Variants in PPFIA1 observed in about 807,000 individuals in gnomAD.
PPFIA1 encodes the protein liprin-alpha-1.
PPFIA1 carries 25 observed loss-of-function variants against 149.9 expected under a neutral mutation model. The observed-to-expected ratio is 0.17, with a 90% confidence interval of 0.12 to 0.23. The LOEUF (loss-of-function observed/expected upper bound fraction) is 0.23. PPFIA1 is among the 10% of genes least tolerant of loss of function. The probability of loss-of-function intolerance (pLI) is 1.00; values close to 1 mark genes in which losing one functional copy is unlikely to be tolerated. For missense variants in PPFIA1, 1,362 were observed against 1,506.5 expected, an observed-to-expected ratio of 0.90 and a Z score of 1.59; for synonymous variants, 549 against 552.8, an observed-to-expected ratio of 0.99 and a Z score of 0.10.
chr11:70,312,638 C>T (rs1280202590), intron 2 of PPFIA1, among the ~76,000 whole-genome samples: 3 of 152,176 alleles, frequency 2.0e-5, no homozygotes, highest in Non-Finnish European at 2.9e-5. Flanking sequence ...TTGCCTGTGC[C>T]GCCTCAACAT....
At chr11:70,277,061 T>TA (rs397734412) in intron 2 of PPFIA1, among the ~76,000 whole-genome samples, 292 of 14,630 alleles carry the variant, frequency 0.02, 4 homozygotes, top group East Asian at 0.2. Flanking sequence ...TATATATATA[T>TA]TTTTTTTTTT....
rs562517580 is a variant in PPFIA1, at chr11:70,346,840, A to T, written c.1932-1349A>T. Among the ~76,000 whole-genome samples the T allele has an allele frequency of 9.1e-4, 138 of 152,324 alleles. 3 individuals carry two copies. The South Asian group carries it at 0.028, about 31-fold the overall frequency. On this transcript the variant is annotated intron_variant, in intron 15 of 27. Transcript: ENST00000253925. ...TCTTAGAAATGTAAGTAGAACTTTA[A>T]TTGGAAGGGTTATTGCAAGGTTTCT...
At position 70,330,176 on chromosome 11, in the gene PPFIA1, A is replaced by G. The variant is rs2054567487; in HGVS notation, c.934A>G (p.Met312Val). The change falls in exon 8 of 28, where the codon ATG (methionine) becomes GTG (valine). Residue 312 changes from methionine to valine, a missense_variant. Met to Val is a conservative substitution (Grantham distance 21). Coordinates refer to ENST00000253925, the MANE Select transcript of PPFIA1 (RefSeq NM_003626.5). Reference sequence around the variant, plus strand: ...CCCTCTGAAATACCTAATTTAGGCCATGGCCCAAAAGGAAGATATGGAAGA... The same window carrying G: ...CCCTCTGAAATACCTAATTTAGGCCGTGGCCCAAAAGGAAGATATGGAAGA... ...TKLQRDVREA[M>V]AQKEDMEERI... is the part of the protein sequence containing the mutation. The G allele has an allele frequency of 3.1e-6, 5 of 1,591,514 alleles. No individual in the cohort carries two copies. The highest frequency in any genetic ancestry group is 4.3e-6 in the Non-Finnish European group (5 of 1,170,832).
chr11:70,347,275 A>G (rs762303613), intron 15 of PPFIA1, among the ~76,000 whole-genome samples: 5 of 152,338 alleles, frequency 3.3e-5, no homozygotes, highest in East Asian at 1.9e-4. Flanking sequence ...AATTGCAACC[A>G]TAGGAAAAAT....
intron 2 of PPFIA1, among the ~76,000 whole-genome samples, chr11:70,300,504 G>T (rs2052414001): frequency 1.3e-5 from 2 of 151,552 alleles, no homozygotes; most frequent in Admixed American, 1.3e-4. Context: ...CAGTATCTGG[G>T]ACTATAAGCA....
intron 26 of PPFIA1, among the ~76,000 whole-genome samples, chr11:70,380,937 G>C (rs1483443678): frequency 6.6e-6 from 1 of 151,948 alleles, no homozygotes; most frequent in East Asian, 1.9e-4. Flanking sequence ...AAGTAGCTGG[G>C]ACCACAGGTG....
At chr11:70,372,178 TC>T (rs765604323) in intron 21 of PPFIA1, 36 bp from the exon 22 acceptor site, 1 of 1,551,950 alleles carries the variant, frequency 6.4e-7, no homozygotes, top group South Asian at 1.2e-5. Flanking sequence ...TTTTGAGACT[TC>T]CTCTGTAACT....
At chr11:70,332,311 A>T (rs997629750) in intron 9 of PPFIA1, among the ~76,000 whole-genome samples, 1 of 152,180 alleles carries the variant, frequency 6.6e-6, no homozygotes, top group Non-Finnish European at 1.5e-5. Flanking sequence ...TGAGCTGTAT[A>T]CTATTTGTCC....
intron 2 of PPFIA1, chr11:70,279,046 GAGGGGT>G (rs1410425971): frequency 3.7e-6 from 2 of 534,998 alleles, no homozygotes; most frequent in Non-Finnish European, 7.1e-6. Flanking sequence ...TGCAAGTAAT[GAGGGGT>G]AGTATGCTTT....
Position 70,326,753 on chromosome 11 carries a change from A to T in PPFIA1, c.865A>T (p.Thr289Ser), listed in dbSNP as rs1282738471. The T allele has an allele frequency of 6.2e-7, 1 of 1,614,234 alleles. No homozygotes were observed. The highest frequency in any genetic ancestry group is 1.7e-5 in the Admixed American group (1 of 60,034). ...HVTELEEDLD[T>S]ARKDLIKSEE... Reference sequence around the variant, plus strand: ...GACAGAACTGGAAGAGGATCTGGACACGGCTAGAAAAGATCTCATCAAATC... The same window carrying T: ...GACAGAACTGGAAGAGGATCTGGACTCGGCTAGAAAAGATCTCATCAAATC... Residue 289 changes from threonine (T) to serine (S), a missense_variant, in exon 7 of 28, where the codon ACG (threonine) becomes TCG (serine). By Grantham distance (58) the Thr-to-Ser change is moderately conservative. This residue lies in a region of PPFIA1 where 733 missense variants were observed against 744.1 expected (regional missense o/e 0.99). Transcript: ENST00000253925.
chr11:70,350,546 G>C (rs1040929657), intron 16 of PPFIA1, among the ~76,000 whole-genome samples: 15 of 152,144 alleles, frequency 9.9e-5, no homozygotes, highest in Non-Finnish European at 1.9e-4. Flanking sequence ...TTCTAGGTAA[G>C]GATTTTACAT....
chr11:70,368,185 G>A (rs894550180), intron 21 of PPFIA1, among the ~76,000 whole-genome samples: 2 of 152,266 alleles, frequency 1.3e-5, no homozygotes, highest in Admixed American at 6.5e-5. Context: ...GTTTAGAAGA[G>A]TGAATCAAGC....
At chr11:70,333,262 A>G (rs1381678263) in intron 9 of PPFIA1, among the ~76,000 whole-genome samples, 1 of 152,230 alleles carries the variant, frequency 6.6e-6, no homozygotes, top group Non-Finnish European at 1.5e-5. Flanking sequence ...GCCATGCTTC[A>G]GAATCACCAA....
chr11:70,356,045 C>A, intron 18 of PPFIA1, 116 bp from the exon 19 acceptor site: 1 of 1,062,494 alleles, frequency 9.4e-7, no homozygotes, highest in Non-Finnish European at 1.4e-6. Context: ...TAGTCAGAAA[C>A]TTAGCCTTAA....
At chr11:70,331,374 CA>C (rs934958583) in intron 8 of PPFIA1, among the ~76,000 whole-genome samples, 12 of 147,644 alleles carry the variant, frequency 8.1e-5, no homozygotes, top group Admixed American at 2.7e-4. Context: ...TTTAAACAAA[CA>C]AAAAAAAAGC....
At chr11:70,365,195 C>T (rs1407750294) in intron 21 of PPFIA1, 2 of 242,644 alleles carry the variant, frequency 8.2e-6, no homozygotes, top group Admixed American at 4.9e-5. Context: ...ATGGTGTTGA[C>T]GACCCAGTGT....
intron 10 of PPFIA1, 42 bp downstream of exon 10, chr11:70,333,595 T>C (rs764979558): frequency 2.9e-5 from 44 of 1,503,458 alleles, no homozygotes; most frequent in Non-Finnish European, 3.9e-5. Flanking sequence ...GAGTGGGTGC[T>C]GCAAGGTCAT....
At chr11:70,277,175 T>C (rs35762136) in intron 2 of PPFIA1, among the ~76,000 whole-genome samples, 4 of 150,678 alleles carry the variant, frequency 2.7e-5, no homozygotes, top group African/African-American at 9.8e-5. Context: ...TATTTCAGTT[T>C]AATTTATATT....
At chr11:70,324,351 T>G in intron 2 of PPFIA1, 51 bp from the exon 3 acceptor site, 1 of 1,408,836 alleles carries the variant, frequency 7.1e-7, no homozygotes, top group East Asian at 2.3e-5. Context: ...ATGAAAGGCT[T>G]TCTTTAGGGG....
Sources: allele counts gnomAD v4.1 joint callset (sites outside exome capture counted in the v4.1 genomes callset), GRCh38; gene constraint gnomAD v4.1.1; regional missense constraint gnomAD v4.1.1; transcripts MANE v1.5; gene names NCBI Gene and HGNC (gene_info 2026-07-23, HGNC 2026-07-21).